The following SCHIP1 variants were observed in gnomAD, a reference collection of about 807,000 sequenced individuals.
The protein encoded by SCHIP1 is schwannomin-interacting protein 1.
Under a neutral mutation model 29.7 loss-of-function variants are expected in SCHIP1, and 8 were observed. The ratio of observed to expected loss-of-function variants is 0.27; its 90% CI spans 0.16 to 0.49. SCHIP1 has a LOEUF of 0.49. Ranked by LOEUF, SCHIP1 falls within the 20% of genes least tolerant of loss-of-function variation. SCHIP1 has a pLI of 0.99. For synonymous variants in SCHIP1, 76 were observed against 94.9 expected (o/e 0.80, Z 1.16); for missense variants, 193 against 294.6 (o/e 0.66, Z 2.52).
chr3:159,353,193 A>G, the SCHIP1 span, among the ~76,000 whole-genome samples: 1 of 152,166 alleles, frequency 6.6e-6, no homozygotes, highest in Non-Finnish European at 1.5e-5. Context: ...GGATAGCATT[A>G]GGAGATATAC....
chr3:159,362,662 C>T, the SCHIP1 span, among the ~76,000 whole-genome samples: 1 of 152,190 alleles, frequency 6.6e-6, no homozygotes, highest in Non-Finnish European at 1.5e-5. Flanking sequence ...TGGTCAGGCC[C>T]AGGAATAGCT....
intron 1 of SCHIP1, among the ~76,000 whole-genome samples, chr3:159,857,871 C>T (rs1031063327): frequency 6.6e-6 from 1 of 152,182 alleles, no homozygotes; most frequent in Admixed American, 6.5e-5. Context: ...AACTGAGGCT[C>T]CAAGAGTCTC....
chr3:159,483,483 T>C, the SCHIP1 span, among the ~76,000 whole-genome samples: 1 of 152,176 alleles, frequency 6.6e-6, no homozygotes, highest in Non-Finnish European at 1.5e-5. Context: ...TGCTGAAATG[T>C]GGTGCTAAGG....
the SCHIP1 span, among the ~76,000 whole-genome samples, chr3:159,588,977 T>C: frequency 1.3e-5 from 2 of 152,314 alleles, no homozygotes; most frequent in South Asian, 2.1e-4. Context: ...AAATTTAAAG[T>C]AGTTTTTTTC....
the SCHIP1 span, among the ~76,000 whole-genome samples, chr3:159,704,892 C>CTTTCTTTA: frequency 1.3e-3 from 102 of 77,010 alleles, 1 homozygote; most frequent in Non-Finnish European, 1.8e-3. Context: ...TTCTTTCTTT[C>CTTTCTTTA]TTTCTTTCTT....
At chr3:159,480,396 T>G in the SCHIP1 span, among the ~76,000 whole-genome samples, 1 of 152,300 alleles carries the variant, frequency 6.6e-6, no homozygotes, top group Non-Finnish European at 1.5e-5. Flanking sequence ...GTTCCCTCTG[T>G]ACCAAAACAT....
chr3:159,773,485 C>G, the SCHIP1 span, among the ~76,000 whole-genome samples: 2 of 152,056 alleles, frequency 1.3e-5, no homozygotes, highest in Non-Finnish European at 2.9e-5. Flanking sequence ...ACCTGTGCCC[C>G]CACTTCAGTG....
At chr3:159,682,977 AT>A in the SCHIP1 span, among the ~76,000 whole-genome samples, 1 of 152,218 alleles carries the variant, frequency 6.6e-6, no homozygotes, top group Non-Finnish European at 1.5e-5. Context: ...CATCAGAATT[AT>A]TAGGGATGGT....
chr3:159,548,444 C>T, the SCHIP1 span, among the ~76,000 whole-genome samples: 1 of 151,860 alleles, frequency 6.6e-6, no homozygotes, highest in Non-Finnish European at 1.5e-5. Flanking sequence ...TAATAAACTA[C>T]TTTCTTGGTC....
the SCHIP1 span, among the ~76,000 whole-genome samples, chr3:159,356,780 T>C: frequency 6.6e-6 from 1 of 152,338 alleles, no homozygotes; most frequent in East Asian, 1.9e-4. Flanking sequence ...ACTTTCTGTC[T>C]GAAGGAGCAA....
chr3:159,762,554 C>G, the SCHIP1 span, among the ~76,000 whole-genome samples: 3 of 152,048 alleles, frequency 2.0e-5, no homozygotes, highest in Non-Finnish European at 4.4e-5. Flanking sequence ...AGCAACAGGC[C>G]CAAATCTGGA....
the SCHIP1 span, among the ~76,000 whole-genome samples, chr3:159,827,066 G>T: frequency 2.0e-4 from 31 of 152,248 alleles, no homozygotes; most frequent in South Asian, 6.2e-3. Context: ...ATAGCTTTAG[G>T]ACAAAGCAAG....
the SCHIP1 span, among the ~76,000 whole-genome samples, chr3:159,572,919 G>A: frequency 6.7e-6 from 1 of 148,778 alleles, no homozygotes; most frequent in African/African-American, 2.5e-5. Context: ...TCACAGACTA[G>A]GATTGCAACC....
the SCHIP1 span, among the ~76,000 whole-genome samples, chr3:159,281,631 T>A: frequency 6.6e-6 from 1 of 152,150 alleles, no homozygotes; most frequent in Non-Finnish European, 1.5e-5. Flanking sequence ...CACTAATTTA[T>A]CAAAAACTGA....
chr3:159,603,381 G>C, the SCHIP1 span, among the ~76,000 whole-genome samples: 2 of 152,114 alleles, frequency 1.3e-5, no homozygotes, highest in South Asian at 4.2e-4. Context: ...TTGGTGATCA[G>C]CTTAACCTTC....
chr3:159,288,225 C>A, the SCHIP1 span, among the ~76,000 whole-genome samples: 1 of 152,194 alleles, frequency 6.6e-6, no homozygotes, highest in African/African-American at 2.4e-5. Flanking sequence ...ACCACACTCT[C>A]AGCTATACTC....
the SCHIP1 span, among the ~76,000 whole-genome samples, chr3:159,609,379 G>A: frequency 6.6e-6 from 1 of 152,142 alleles, no homozygotes; most frequent in Non-Finnish European, 1.5e-5. Context: ...AATAAAGTTA[G>A]AAAAATGCTC....
the SCHIP1 span, among the ~76,000 whole-genome samples, chr3:159,295,322 A>G: frequency 2.5e-4 from 38 of 150,268 alleles, no homozygotes; most frequent in Admixed American, 5.3e-4. Context: ...CCAGCTACTC[A>G]GGAGGCTGAG....
At chr3:159,815,322 C>T in the SCHIP1 span, among the ~76,000 whole-genome samples, 6 of 152,128 alleles carry the variant, frequency 3.9e-5, no homozygotes, top group Non-Finnish European at 8.8e-5. Context: ...TCAAGGATAC[C>T]TCCAAATCTG....
Sources: allele counts gnomAD v4.1 joint callset (sites outside exome capture counted in the v4.1 genomes callset), GRCh38; gene constraint gnomAD v4.1.1; transcripts MANE v1.5; gene names NCBI Gene and HGNC (gene_info 2026-07-23, HGNC 2026-07-21).